The following ICA1 variants were observed in gnomAD, a reference collection of about 807,000 sequenced individuals.
The protein encoded by ICA1 is islet cell autoantigen 1.
In ICA1, 40 loss-of-function variants were observed where a neutral mutation model predicts 71.0. That is an observed-to-expected ratio of 0.56 (90% CI 0.44 to 0.73). ICA1 has a LOEUF of 0.73. Among genes scored for constraint, ICA1 ranks in the 30% least tolerant of loss-of-function variants. ICA1 has a pLI of 0.00. For synonymous variants in ICA1, 207 were observed against 209.5 expected, an observed-to-expected ratio of 0.99 and a Z score of 0.10; for missense variants, 578 against 576.5, an observed-to-expected ratio of 1.00 and a Z score of -0.03.
chr7:8,204,540 T>A (rs1415012581), intron 6 of ICA1, among the ~76,000 whole-genome samples: 1 of 152,212 alleles, frequency 6.6e-6, no homozygotes, highest in East Asian at 1.9e-4. Context: ...AGCTGCTACA[T>A]CTATCTACAA....
intron 1 of ICA1, among the ~76,000 whole-genome samples, chr7:8,249,317 GA>G (rs1419095683): frequency 6.6e-6 from 1 of 152,244 alleles, no homozygotes; most frequent in Non-Finnish European, 1.5e-5. Flanking sequence ...CTAGGCAGAG[GA>G]AATGCAGTGA....
intron 6 of ICA1, among the ~76,000 whole-genome samples, chr7:8,194,618 C>T (rs1786793470): frequency 6.6e-6 from 1 of 152,176 alleles, no homozygotes. Flanking sequence ...CCTACAAATT[C>T]AGGGGAATTT....
intron 8 of ICA1, among the ~76,000 whole-genome samples, chr7:8,155,063 T>C (rs765750129): frequency 1.3e-5 from 2 of 152,326 alleles, no homozygotes; most frequent in Middle Eastern, 3.4e-3. Flanking sequence ...TATGTCATCA[T>C]TGAAAGCCTA....
intron 1 of ICA1, among the ~76,000 whole-genome samples, chr7:8,256,982 A>G (rs1294382998): frequency 6.6e-6 from 1 of 152,222 alleles, no homozygotes. Flanking sequence ...ATTTACCCAA[A>G]GTCAACAACT....
chr7:8,132,433 C>G lies in ICA1; in HGVS notation c.1061-4291G>C, dbSNP rs1791811571. Among the ~76,000 whole-genome samples the G allele has an allele frequency of 6.6e-6, 1 of 152,222 alleles. No homozygotes were observed. Among genetic ancestry groups the G allele is most frequent in the Admixed American group, 6.5e-5 (1 of 15,286 alleles). On this transcript the variant is annotated intron_variant, in intron 12 of 13. Coordinates refer to ENST00000402384, the MANE Select transcript of ICA1 (RefSeq NM_001136020.3). This position sits in a 1 kb window ranked among gnomAD's most constrained non-coding sequence, Gnocchi z 4.5. Reference sequence around the variant, plus strand: ...TTCTTCTTCCTTCCACAACCACATACTCTACTTTGGCTCTACTCTTTTCTC... The same window carrying G: ...TTCTTCTTCCTTCCACAACCACATAGTCTACTTTGGCTCTACTCTTTTCTC...
chr7:8,175,388 C>T (rs1438670971), intron 6 of ICA1, among the ~76,000 whole-genome samples: 1 of 152,192 alleles, frequency 6.6e-6, no homozygotes, highest in Non-Finnish European at 1.5e-5. Flanking sequence ...TAAACTCCAA[C>T]AATTCAGTGA....
At chr7:8,216,584 C>CAAAAAAAAAAAAAAAAAAA (rs142208758) in intron 6 of ICA1, among the ~76,000 whole-genome samples, 1 of 143,670 alleles carries the variant, frequency 7.0e-6, no homozygotes, top group Non-Finnish European at 1.5e-5. Context: ...AAAACAAAAC[C>CAAAAAAAAAAAAAAAAAAA]AAAAAAAAAA....
intron 6 of ICA1, among the ~76,000 whole-genome samples, chr7:8,189,621 C>T (rs1784928874): frequency 6.6e-6 from 1 of 152,126 alleles, no homozygotes; most frequent in Non-Finnish European, 1.5e-5. Flanking sequence ...AGCCTATTTA[C>T]CCCATAGCTG....
intron 6 of ICA1, among the ~76,000 whole-genome samples, chr7:8,185,253 T>G (rs908296785): frequency 6.6e-6 from 1 of 152,144 alleles, no homozygotes; most frequent in African/African-American, 2.4e-5. Context: ...GAATTATAAG[T>G]GAACACATCA....
chr7:8,218,170 A>G, intron 6 of ICA1, 135 bp downstream of exon 6: 1 of 727,472 alleles, frequency 1.4e-6, no homozygotes. Flanking sequence ...ATTCTGTCAC[A>G]TAAAAAGACA....
At chr7:8,235,385 G>C (rs888069556) in intron 2 of ICA1, among the ~76,000 whole-genome samples, 4 of 152,058 alleles carry the variant, frequency 2.6e-5, no homozygotes, top group Admixed American at 2.0e-4. Flanking sequence ...AAATGTCAGC[G>C]CTAACATTGC....
At chr7:8,149,226 C>T (rs1424291646) in intron 8 of ICA1, among the ~76,000 whole-genome samples, 1 of 152,194 alleles carries the variant, frequency 6.6e-6, no homozygotes, top group Non-Finnish European at 1.5e-5. Context: ...ACTCCAAAAA[C>T]GTTCTGTTTC....
chr7:8,147,399 C>G (rs1011720544), intron 8 of ICA1, among the ~76,000 whole-genome samples: 1 of 152,150 alleles, frequency 6.6e-6, no homozygotes, highest in African/African-American at 2.4e-5. Flanking sequence ...GCAGTTCCAA[C>G]TATTTAAAAT....
chr7:8,155,347 C>T (rs949506539), intron 8 of ICA1, among the ~76,000 whole-genome samples: 1 of 152,204 alleles, frequency 6.6e-6, no homozygotes, highest in Non-Finnish European at 1.5e-5. Context: ...TCACTAAATT[C>T]TCTGCCCAGA....
chr7:8,198,822 A>G (rs1415151119), intron 6 of ICA1, among the ~76,000 whole-genome samples: 2 of 152,200 alleles, frequency 1.3e-5, no homozygotes, highest in Non-Finnish European at 2.9e-5. Context: ...TGACCCACAG[A>G]ATGGGAGAAA....
intron 12 of ICA1, among the ~76,000 whole-genome samples, chr7:8,137,596 G>A (rs1304129935): frequency 6.6e-6 from 1 of 152,160 alleles, no homozygotes; most frequent in East Asian, 1.9e-4. Context: ...CACCATGTAT[G>A]GCAATCTACA....
At position 8,133,826 on chromosome 7, in the gene ICA1, T is replaced by C. The variant is rs191629819; in HGVS notation, c.1060+5014A>G. ...CATATTCTGGGAACCTGATGATTTG[T>C]CCCAGTGAGAAAAATCATACTTTTT... On this transcript the variant is annotated intron_variant, in intron 12 of 13. Transcript: ENST00000402384. 2.9e-3 allele frequency among the ~76,000 whole-genome samples: 427 copies of C among 148,238 alleles called. 1 individual carries two copies. Among genetic ancestry groups the C allele is most frequent in the African/African-American group, 0.01 (416 of 39,908 alleles).
At chr7:8,247,588 G>C (rs774089918) in intron 1 of ICA1, among the ~76,000 whole-genome samples, 1 of 152,198 alleles carries the variant, frequency 6.6e-6, no homozygotes, top group South Asian at 2.1e-4. Context: ...AAACAAGCCA[G>C]GTTTTAAGTA....
chr7:8,154,085 A>C lies in ICA1; in HGVS notation c.804+3031T>G, dbSNP rs1267764756. 2.0e-5 allele frequency among the ~76,000 whole-genome samples: 3 copies of C among 152,206 alleles called. No homozygotes were observed. In the South Asian group the frequency reaches 6.2e-4, roughly 32 times the overall value. ...ATAAAAAAATTAAAATGATGAAGGA[A>C]TGTGTCAGTAAAAGTAGAATCAATA... On this transcript the variant is annotated intron_variant, in intron 8 of 13. Transcript: ENST00000402384.
Sources: allele counts gnomAD v4.1 joint callset (sites outside exome capture counted in the v4.1 genomes callset), GRCh38; gene constraint gnomAD v4.1.1; non-coding constraint Gnocchi (gnomAD v3.1); transcripts MANE v1.5; gene names NCBI Gene and HGNC (gene_info 2026-07-23, HGNC 2026-07-21).